Variants in ACACA observed in about 807,000 individuals in gnomAD.
The protein encoded by ACACA is acetyl-CoA carboxylase 1.
A neutral mutation model predicts 296.1 loss-of-function variants in ACACA; 103 were observed. The observed-to-expected ratio is 0.35, with a 90% CI of 0.30 to 0.41. ACACA has a LOEUF of 0.41. Ranked by LOEUF, ACACA falls within the 10% of genes least tolerant of loss-of-function variation. The probability of loss-of-function intolerance (pLI) is 1.00; values close to 1 mark genes in which losing one functional copy is unlikely to be tolerated. For missense variants in ACACA, 1,554 were observed against 2,989.7 expected, an observed-to-expected ratio of 0.52 and a Z score of 11.20; for synonymous variants, 953 against 1,038.6, an observed-to-expected ratio of 0.92 and a Z score of 1.58.
chr17:37,192,510 G>A (rs2077802629), intron 36 of ACACA, among the ~76,000 whole-genome samples: 1 of 152,074 alleles, frequency 6.6e-6, no homozygotes, highest in African/African-American at 2.4e-5. Flanking sequence ...GTACTTTATA[G>A]GATGATATTC....
chr17:37,112,133 C>G (rs1024386627), intron 51 of ACACA, among the ~76,000 whole-genome samples: 4 of 151,936 alleles, frequency 2.6e-5, no homozygotes, highest in Admixed American at 6.6e-5. Context: ...ACTGATCAGA[C>G]ACACTAAGCC....
Position 37,221,981 on chromosome 17 carries a change from G to A in ACACA, c.3565-139C>T, listed in dbSNP as rs7214764. Reference sequence around the variant, plus strand: ...AGAAGTCCCAAGGCCCTATGTATACGTACATATATTGCTTTAATTAATAAA... The same window carrying A: ...AGAAGTCCCAAGGCCCTATGTATACATACATATATTGCTTTAATTAATAAA... On this transcript the variant is annotated intron_variant, in intron 28 of 55. Coordinates refer to ENST00000616317, the MANE Select transcript of ACACA (RefSeq NM_198834.3). The A allele has an allele frequency of 6.5e-3, 4,584 of 708,636 alleles. 154 individuals carry two copies. In the African/African-American group the frequency reaches 0.072, roughly 11 times the overall value. The allele number at this position is 708,636 out of a possible 1,614,324, so 43.9% of individuals were successfully genotyped here. A position where few individuals can be genotyped will look rare whatever the true frequency, so the allele number is the denominator to read the frequency against.
intron 41 of ACACA, among the ~76,000 whole-genome samples, chr17:37,165,697 CAG>C (rs1410657695): frequency 7.1e-6 from 1 of 140,168 alleles, no homozygotes; most frequent in Non-Finnish European, 1.5e-5. Flanking sequence ...TTTTTTGAGA[CAG>C]AGTCTCGCTC....
chr17:37,086,384 CTA>C lies in ACACA; in HGVS notation c.*930_*931del, dbSNP rs1491356757. The C allele has an allele frequency of 6.6e-6, 1 of 151,846 alleles. No individual in the cohort carries two copies. The highest frequency in any genetic ancestry group is 1.5e-5 in the Non-Finnish European group (1 of 68,054). The allele number at this position is 151,846 out of a possible 1,614,324, so 9.4% of individuals were successfully genotyped here. A position where few individuals can be genotyped will look rare whatever the true frequency, so the allele number is the denominator to read the frequency against. On this transcript the variant is annotated 3_prime_UTR_variant, in exon 56 of 56. Coordinates refer to ENST00000616317, the MANE Select transcript of ACACA (RefSeq NM_198834.3). ...TTTCCAAGTCCTCAAAACAAACAGACTATCTATCTATCTCACTGGCTCTCCAC... is the reference window on the plus strand; with the variant it reads ...TTTCCAAGTCCTCAAAACAAACAGACTCTATCTATCTCACTGGCTCTCCAC...
intron 3 of ACACA, among the ~76,000 whole-genome samples, chr17:37,322,273 T>TA (rs1322838395): frequency 6.6e-6 from 1 of 152,210 alleles, no homozygotes; most frequent in Non-Finnish European, 1.5e-5. Context: ...ATAGACATCT[T>TA]ACGCTGGTTT....
At chr17:37,106,426 A>G (rs2073690567) in intron 52 of ACACA, among the ~76,000 whole-genome samples, 1 of 152,138 alleles carries the variant, frequency 6.6e-6, no homozygotes, top group African/African-American at 2.4e-5. Flanking sequence ...AAATACACTC[A>G]CATTTGCATA....
chr17:37,346,642 C>A (rs2147406133), intron 1 of ACACA, among the ~76,000 whole-genome samples: 1 of 145,074 alleles, frequency 6.9e-6, no homozygotes, highest in Middle Eastern at 3.8e-3. Flanking sequence ...GTGGAGCTTG[C>A]AGTGAGCCGA....
chr17:37,101,487 A>G (rs1202298856), intron 52 of ACACA, among the ~76,000 whole-genome samples: 2 of 152,206 alleles, frequency 1.3e-5, no homozygotes, highest in East Asian at 3.9e-4. Context: ...AGACTGAGGC[A>G]CTGAGAATTT....
chr17:37,129,008 G>A (rs984059711), intron 47 of ACACA, among the ~76,000 whole-genome samples: 4 of 152,160 alleles, frequency 2.6e-5, no homozygotes, highest in African/African-American at 7.2e-5. Context: ...TTAGATGACT[G>A]AAGATTCTAG....
intron 45 of ACACA, chr17:37,144,197 T>C (rs750982107): frequency 4.2e-5 from 31 of 730,348 alleles, no homozygotes; most frequent in Non-Finnish European, 6.1e-5. Context: ...GACTGAAGCA[T>C]CTGGATGCTT....
At chr17:37,130,292 T>A in intron 45 of ACACA, 74 bp from the exon 46 acceptor site, 1 of 1,565,758 alleles carries the variant, frequency 6.4e-7, no homozygotes, top group South Asian at 1.1e-5. Context: ...CAAGTCGCAC[T>A]AAAATGGGTT....
chr17:37,346,444 G>A lies in ACACA; in HGVS notation c.39-6594C>T, dbSNP rs977850330. Among the ~76,000 whole-genome samples the A allele has an allele frequency of 4.6e-5, 7 of 152,036 alleles. No individual in the cohort carries two copies. In the South Asian group the frequency reaches 1.0e-3, roughly 23 times the overall value. On this transcript the variant is annotated intron_variant, in intron 1 of 55. Transcript: ENST00000616317. ...AGACCAGGTGTGGTGGCTCACTCCT[G>A]TAATCCCAGCACTTTGGGAGGCCAA...
At chr17:37,174,008 ATATATATATATATTTT>A (rs2077001988) in intron 41 of ACACA, among the ~76,000 whole-genome samples, 3 of 12,490 alleles carry the variant, frequency 2.4e-4, no homozygotes, top group Non-Finnish European at 3.8e-4. Flanking sequence ...ATATATATAT[ATATATATATATATTTT>A]TTTTTTTTTT....
At chr17:37,359,694 T>G (rs1047620761) in intron 1 of ACACA, among the ~76,000 whole-genome samples, 2 of 152,122 alleles carry the variant, frequency 1.3e-5, no homozygotes, top group Non-Finnish European at 2.9e-5. Context: ...GTTTGTCTGT[T>G]TAATCCTAAC....
At chr17:37,322,092 C>T (rs2047384480) in intron 3 of ACACA, among the ~76,000 whole-genome samples, 1 of 152,022 alleles carries the variant, frequency 6.6e-6, no homozygotes, top group Admixed American at 6.6e-5. Flanking sequence ...CTGAAGAGTC[C>T]AACATCTTTA....
chr17:37,158,585 G>A (rs372525012), intron 42 of ACACA, among the ~76,000 whole-genome samples: 7 of 151,890 alleles, frequency 4.6e-5, no homozygotes, highest in African/African-American at 1.5e-4. Flanking sequence ...AGCCATAATC[G>A]CACCACTGCA....
At chr17:37,156,251 G>A (rs1442070394) in intron 42 of ACACA, among the ~76,000 whole-genome samples, 2 of 151,664 alleles carry the variant, frequency 1.3e-5, no homozygotes, top group Non-Finnish European at 2.9e-5. Flanking sequence ...TTTTAGTAGC[G>A]ACAGGGTTTC....
At chr17:37,377,638 C>T (rs537226978) in intron 1 of ACACA, among the ~76,000 whole-genome samples, 3 of 150,132 alleles carry the variant, frequency 2.0e-5, no homozygotes, top group Admixed American at 6.7e-5. Context: ...CCATCCTGGG[C>T]GACAGAGTGA....
intron 52 of ACACA, among the ~76,000 whole-genome samples, chr17:37,102,199 CTTTTT>C (rs35050543): frequency 9.4e-6 from 1 of 106,088 alleles, no homozygotes; most frequent in Non-Finnish European, 1.8e-5. Flanking sequence ...GCATCCAGCT[CTTTTT>C]TTTTTTTTTT....
Sources: gnomAD v4.1 joint callset for allele counts (sites outside exome capture counted in the v4.1 genomes callset) on GRCh38, gnomAD v4.1.1 for gene constraint, MANE v1.5 for transcripts, NCBI Gene and HGNC (gene_info 2026-07-23, HGNC 2026-07-21) for gene names.